FGF13: variants seen among roughly 807,000 people sequenced by gnomAD.
FGF13 encodes the protein fibroblast growth factor homologous factor 2.
In FGF13, 2 loss-of-function variants were observed where a neutral mutation model predicts 19.5. The observed-to-expected ratio is 0.10, with a 90% CI of 0.04 to 0.32. FGF13 has a LOEUF of 0.32. FGF13 is among the 10% of genes least tolerant of loss of function. The probability of loss-of-function intolerance (pLI) is 1.00; values close to 1 mark genes in which losing one functional copy is unlikely to be tolerated. For synonymous variants in FGF13, 72 were observed against 76.9 expected, an observed-to-expected ratio of 0.94 and a Z score of 0.33; for missense variants, 113 against 192.7, an observed-to-expected ratio of 0.59 and a Z score of 2.45.
At chrX:138,645,815 C>T (rs1266900722) in intron 3 of FGF13, among the ~76,000 whole-genome samples, 1 of 111,852 alleles carries the variant, frequency 8.9e-6, no homozygotes, top group Non-Finnish European at 1.9e-5. Context: ...TCAAGGATGA[C>T]AATGCATGAG....
intron 1 of FGF13, among the ~76,000 whole-genome samples, chrX:138,973,394 T>C (rs1473772533): frequency 8.9e-6 from 1 of 112,400 alleles, no homozygotes; most frequent in Non-Finnish European, 1.9e-5. Flanking sequence ...AAAATATTTT[T>C]AAAACTTGCT....
intron 1 of FGF13, among the ~76,000 whole-genome samples, chrX:138,984,043 G>T (rs1024157488): frequency 8.9e-6 from 1 of 111,806 alleles, no homozygotes; most frequent in African/African-American, 3.3e-5. Flanking sequence ...TGACTAGTGA[G>T]CAATAAAGAC....
intron 3 of FGF13, among the ~76,000 whole-genome samples, chrX:138,644,091 T>G: frequency 9.0e-6 from 1 of 111,408 alleles, no homozygotes; most frequent in African/African-American, 3.3e-5. Context: ...AAATAGCTGT[T>G]GCAAGCACTT....
chrX:139,087,160 G>A (rs1304581983), intron 1 of FGF13, among the ~76,000 whole-genome samples: 3 of 111,376 alleles, frequency 2.7e-5, no homozygotes, highest in African/African-American at 9.8e-5. Flanking sequence ...GCCGGGCGTG[G>A]CGGTGCACAC....
At chrX:139,124,375 T>A (rs2083700027) in intron 1 of FGF13, among the ~76,000 whole-genome samples, 1 of 112,084 alleles carries the variant, frequency 8.9e-6, no homozygotes, top group Non-Finnish European at 1.9e-5. Flanking sequence ...TATGGGAATT[T>A]AGCTCTCACT....
rs1039840567 is a variant in FGF13 at position 138,617,932 on chromosome X, G to A, written c.*14918C>T. On this transcript the variant is annotated 3_prime_UTR_variant, in exon 5 of 5. Coordinates refer to ENST00000315930, the MANE Select transcript of FGF13 (RefSeq NM_004114.5). ...TAATCCATCCTGGGTGACAGAGTGAGACCTCAACCCCAGAGAGAGAGAGAG... is the reference window on the plus strand; with the variant it reads ...TAATCCATCCTGGGTGACAGAGTGAAACCTCAACCCCAGAGAGAGAGAGAG... 2.0e-4 allele frequency: 22 copies of A among 110,988 alleles called. No individual in the cohort carries two copies. Among genetic ancestry groups the A allele is most frequent in the African/African-American group, 6.9e-4 (21 of 30,470 alleles). 9.1% of individuals were successfully genotyped at this position (110,988 alleles called of 1,213,427 possible).
chrX:139,154,512 C>T (rs5976289), intron 1 of FGF13, among the ~76,000 whole-genome samples: 38,822 of 111,013 alleles, frequency 0.35, 5,199 homozygotes, highest in East Asian at 0.67. Flanking sequence ...TCAGCAGATA[C>T]TAAATGAGAG....
intron 1 of FGF13, among the ~76,000 whole-genome samples, chrX:139,021,529 A>C (rs776743752): frequency 5.2e-4 from 58 of 111,414 alleles, no homozygotes; most frequent in African/African-American, 1.8e-3. Flanking sequence ...TTTGAACTAC[A>C]TAATTAACAA....
At chrX:138,640,161 G>T (rs1474710742) in intron 3 of FGF13, among the ~76,000 whole-genome samples, 1 of 111,215 alleles carries the variant, frequency 9.0e-6, no homozygotes, top group Non-Finnish European at 1.9e-5. Context: ...ATTCTTTGGA[G>T]GTTGAAATAT....
At chrX:138,748,476 C>T (rs1368867638) in intron 3 of FGF13, among the ~76,000 whole-genome samples, 7 of 111,483 alleles carry the variant, frequency 6.3e-5, no homozygotes, top group Admixed American at 9.5e-5. Context: ...GAAAGAGAGG[C>T]TTCTCCAGAA....
chrX:138,864,780 A>G (rs2091308501), intron 1 of FGF13: 1 of 112,610 alleles, frequency 8.9e-6, no homozygotes, highest in South Asian at 3.7e-4. Flanking sequence ...TTTCAAACAG[A>G]TAAGAAAGAT....
At chrX:138,998,771 A>C (rs1170430297) in intron 1 of FGF13, among the ~76,000 whole-genome samples, 1 of 111,664 alleles carries the variant, frequency 9.0e-6, no homozygotes, top group Non-Finnish European at 1.9e-5. Context: ...CATTAGACAG[A>C]TCAACGAGAC....
chrX:139,004,192 G>A lies in FGF13; in HGVS notation c.-112-139542C>T, dbSNP rs766024352. ...CCCCGCAGGAAGGCAGCTAAGGCTCGGTGAGAAATCGAGCGCAGCGCCGGT... is the reference window on the plus strand; with the variant it reads ...CCCCGCAGGAAGGCAGCTAAGGCTCAGTGAGAAATCGAGCGCAGCGCCGGT... On this transcript the variant is annotated intron_variant, in intron 1 of 2. Transcript: ENST00000421460. Among the ~76,000 whole-genome samples the A allele has an allele frequency of 4.4e-5, 5 of 112,929 alleles. No individual in the cohort carries two copies. The South Asian group carries it at 1.1e-3, about 24-fold the overall frequency.
intron 3 of FGF13, among the ~76,000 whole-genome samples, chrX:138,678,072 C>T (rs930830913): frequency 7.2e-5 from 8 of 111,389 alleles, no homozygotes; most frequent in Non-Finnish European, 1.3e-4. Flanking sequence ...AGTAAACTAT[C>T]GCAAGGACAA....
intron 1 of FGF13, among the ~76,000 whole-genome samples, chrX:139,053,874 T>A (rs767135549): frequency 9.0e-6 from 1 of 111,504 alleles, no homozygotes; most frequent in African/African-American, 3.3e-5. Context: ...CTTCTAGAAT[T>A]TTTATAGTTT....
chrX:139,075,703 TATTTTCCC>T (rs2083327924), intron 1 of FGF13, among the ~76,000 whole-genome samples: 1 of 112,279 alleles, frequency 8.9e-6, no homozygotes, highest in Admixed American at 9.4e-5. Flanking sequence ...TTTTCCCGTC[TATTTTCCC>T]ATTTGCCATT....
At chrX:138,822,295 G>A (rs2091004700) in intron 3 of FGF13, among the ~76,000 whole-genome samples, 1 of 111,959 alleles carries the variant, frequency 8.9e-6, no homozygotes, top group South Asian at 3.7e-4. Context: ...CCAGACTACA[G>A]TTATAGATAA....
chrX:139,079,716 T>C (rs748324813), intron 1 of FGF13, among the ~76,000 whole-genome samples: 2 of 111,428 alleles, frequency 1.8e-5, no homozygotes, highest in South Asian at 3.8e-4. Context: ...GTAAAGTCTT[T>C]GGCACTGAAA....
chrX:139,114,472 C>G (rs1603206934), intron 1 of FGF13, among the ~76,000 whole-genome samples: 1 of 111,755 alleles, frequency 8.9e-6, no homozygotes, highest in Non-Finnish European at 1.9e-5. Flanking sequence ...TCAGTAGCTG[C>G]CCATGAAGAT....
Sources: gnomAD v4.1 joint callset for allele counts (sites outside exome capture counted in the v4.1 genomes callset) on GRCh38, gnomAD v4.1.1 for gene constraint, MANE v1.5 for transcripts, NCBI Gene and HGNC (gene_info 2026-07-23, HGNC 2026-07-21) for gene names.